The following CDC42BPG variants were observed in gnomAD, a reference collection of about 807,000 sequenced individuals.
CDC42BPG encodes the protein CDC42 binding protein kinase gamma.
CDC42BPG carries 157 observed loss-of-function variants against 192.2 expected under a neutral mutation model. That is an observed-to-expected ratio of 0.82 (90% CI 0.72 to 0.93). The LOEUF is 0.93. Ranked by LOEUF, CDC42BPG falls within the 40% of genes least tolerant of loss-of-function variation. The pLI, the probability that CDC42BPG is intolerant of heterozygous loss-of-function variation, is 0.00. For synonymous variants in CDC42BPG, 981 were observed against 918.5 expected (o/e 1.07, Z -1.23); for missense variants, 1,992 against 2,122.1 (o/e 0.94, Z 1.20).
In CDC42BPG at chr11:64,827,309, C is replaced by CGCGGAAAAAGAA; in HGVS notation, c.4228_4239dup (p.Phe1410_Arg1413dup). The CGCGGAAAAAGAA allele has an allele frequency of 6.2e-7, 1 of 1,614,036 alleles. No homozygotes were observed. Among genetic ancestry groups the CGCGGAAAAAGAA allele is most frequent in the Non-Finnish European group, 8.5e-7 (1 of 1,179,956 alleles). ...TGCTGCTTCTGCTGCTCCTCCGACA[C>CGCGGAAAAAGAA]GCGGAAAAAGAAGCGGCGCTTGCTC... On this transcript the variant is annotated inframe_insertion, in exon 33 of 37. Transcript: ENST00000342711.
rs762553661 is a variant in CDC42BPG at position 64,838,726 on chromosome 11, G to A, written c.1053C>T (p.Pro351=). Residue 351 remains proline, a synonymous_variant, in exon 8 of 37, where the codon CCC becomes CCT. Transcript: ENST00000342711. ...DWERLASSTA[P]YIPELRGPMD... ...TGGGCCCCCGCAGCTCAGGAATATA[G>A]GGGGCCGTGCTGCTCGCCAGCCGCT... 1 of 1,613,034 alleles carries A rather than the reference G, an allele frequency of 6.2e-7. No homozygotes were observed. The highest frequency in any genetic ancestry group is 1.7e-5 in the Admixed American group (1 of 60,028).
rs370688500 is a variant in CDC42BPG, at chr11:64,833,322, C to T, written c.2640G>A (p.Thr880=). 6.5e-6 allele frequency: 10 copies of T among 1,526,802 alleles called. No individual in the cohort carries two copies. Among genetic ancestry groups the T allele is most frequent in the East Asian group, 4.9e-5 (2 of 40,562 alleles). 94.6% of individuals were successfully genotyped at this position (1,526,802 alleles called of 1,614,324 possible). Residue 880 remains threonine (T), a synonymous_variant, in exon 24 of 37, where the codon ACG becomes ACA. Coordinates refer to ENST00000342711, the MANE Select transcript of CDC42BPG (RefSeq NM_017525.3). ...GGGATGGGAAGCTCCGGGGGCGCAG[C>T]GTGTGTGAGCCGGGCTGGGGAGGGG... ...EGLPAKPGSH[T]LRPRSFPSPT...
chr11:64,836,500 T>C lies in CDC42BPG; in HGVS notation c.1415A>G (p.Gln472Arg), dbSNP rs773324026. ...GCTACCAGCTGGGGGCCCATCCGTC[T>C]GGGACAATGAGGCCTTGTCCCTCAG... ...EMLRDKASLS[Q>R]TDGPPAGSPG... The change falls in exon 12 of 37, where the codon CAG becomes CGG. Residue 472 changes from glutamine to arginine, a missense_variant. Gln to Arg is a conservative substitution (Grantham distance 43). Around this residue, in one of 2 missense-constraint regions of CDC42BPG, gnomAD observed 1,656 missense variants for 1,844.3 expected, o/e 0.90. Transcript: ENST00000342711. 2 of 1,613,466 alleles carry C rather than the reference T, an allele frequency of 1.2e-6. No homozygotes were observed. Among genetic ancestry groups the C allele is most frequent in the Non-Finnish European group, 8.5e-7 (1 of 1,179,942 alleles).
At chr11:64,835,232 C>T in intron 16 of CDC42BPG, 79 bp from the exon 17 acceptor site, 11 of 1,602,874 alleles carry the variant, frequency 6.9e-6, no homozygotes, top group South Asian at 5.5e-5. Flanking sequence ...TACCCCAGCA[C>T]CCCGAGCCCC....
chr11:64,835,017 T>TGCCCCCCCCCCCC, intron 17 of CDC42BPG, 30 bp downstream of exon 17: 6 of 1,571,940 alleles, frequency 3.8e-6, no homozygotes, highest in Non-Finnish European at 5.2e-6. Context: ...TCGCCTGCGT[T>TGCCCCCCCCCCCC]CCCCACCCCG....
At chr11:64,843,750 C>T (rs1381969981) in intron 1 of CDC42BPG, among the ~76,000 whole-genome samples, 14 of 152,234 alleles carry the variant, frequency 9.2e-5, no homozygotes, top group Admixed American at 9.2e-4. Flanking sequence ...AGCTAGGCCC[C>T]CCTCCCCGGC....
In CDC42BPG at chr11:64,840,546, T is replaced by G. The variant is rs1378738664; in HGVS notation, c.432+7A>C. ...TGTTCCCCTCCAGCCCCGCCACGTA[T>G]CCTCACCAGGTACTCCTCGTCTTGG... On this transcript the variant is annotated splice_region_variant and intron_variant, in intron 4 of 36. Transcript: ENST00000342711. 1 of 1,613,514 alleles carries G rather than the reference T, an allele frequency of 6.2e-7. No homozygotes were observed. The highest frequency in any genetic ancestry group is 8.5e-7 in the Non-Finnish European group (1 of 1,179,636).
intron 11 of CDC42BPG, 51 bp downstream of exon 11, chr11:64,836,675 GCAGGACCCGAGCC>G (rs1219138787): frequency 1.1e-5 from 11 of 985,426 alleles, no homozygotes; most frequent in Admixed American, 2.7e-5. Flanking sequence ...CCAGGGCAGG[GCAGGACCCGAGCC>G]CAGGTGGGAC....
At chr11:64,840,753 A>G in intron 3 of CDC42BPG, 105 bp from the exon 4 acceptor site, 1 of 938,280 alleles carries the variant, frequency 1.1e-6, no homozygotes, top group Non-Finnish European at 1.7e-6. Context: ...CTGGGAGCTC[A>G]GATGGAGGTC....
chr11:64,840,449 T>C, intron 4 of CDC42BPG, 104 bp downstream of exon 4: 1 of 1,405,952 alleles, frequency 7.1e-7, no homozygotes, highest in Non-Finnish European at 9.9e-7. Context: ...TGGGAGTCTC[T>C]TGGTCCCAAG....
At position 64,841,701 on chromosome 11, in the gene CDC42BPG, C is replaced by A; in HGVS notation, c.285G>T (p.Gln95His). ...TGTGCAGCATTTTCATGGCAAAAAT[C>A]TGCCCAGTGTCCCTCTGCCTCACCA... Reference protein sequence around the residue: ...VTVVRQRDTGQIFAMKMLHKW... With the variant: ...VTVVRQRDTGHIFAMKMLHKW... Residue 95 changes from glutamine to histidine, a missense_variant, in exon 3 of 37, where the codon CAG (glutamine) becomes CAT (histidine). Transcript: ENST00000342711. 6.2e-7 allele frequency: 1 copy of A among 1,613,952 alleles called. No homozygotes were observed. The highest frequency in any genetic ancestry group is 8.5e-7 in the Non-Finnish European group (1 of 1,180,008).
Position 64,830,016 on chromosome 11 carries a change from C to G in CDC42BPG, c.3422G>C (p.Ser1141Thr). The change falls in exon 30 of 37, where the codon AGT becomes ACT. Residue 1141 changes from serine to threonine, a missense_variant. Transcript: ENST00000342711. ...RRVQQLTLSP[S>T]AGLLVVLCGR... is the part of the protein sequence containing the mutation. ...ACACAGCACGACCAGCAGGCCTGCA[C>G]TGGGGCTCAAGGTCAGCTGCTGCAC... 1 of 1,612,472 alleles carries G rather than the reference C, an allele frequency of 6.2e-7. No individual in the cohort carries two copies. The highest frequency in any genetic ancestry group is 8.5e-7 in the Non-Finnish European group (1 of 1,179,372).
chr11:64,834,241 G>T, intron 20 of CDC42BPG, 25 bp downstream of exon 20: 1 of 1,547,534 alleles, frequency 6.5e-7, no homozygotes. Context: ...CCTGGCTCCG[G>T]GGCAAGCAGT....
chr11:64,841,855 G>A lies in CDC42BPG; in HGVS notation c.210C>T (p.Asp70=). The A allele has an allele frequency of 6.2e-7, 1 of 1,613,958 alleles. No individual in the cohort carries two copies. The highest frequency in any genetic ancestry group is 8.5e-7 in the Non-Finnish European group (1 of 1,179,988). ...GGCCGATCACCTTCAAGATCTCAAA[G>A]TCATCTCTCTGCAGACGCAGTTCTT... is the stretch of plus-strand genomic sequence containing the variant. The part of the protein sequence containing the change: ...KVKELRLQRD[D]FEILKVIGRG... The change falls in exon 2 of 37, where the codon GAC becomes GAT. Residue 70 remains aspartate, a synonymous_variant. Transcript: ENST00000342711.
In CDC42BPG at chr11:64,827,728, G is replaced by A; in HGVS notation, c.4023C>T (p.Asp1341=). 1.9e-6 allele frequency: 3 copies of A among 1,613,364 alleles called. No homozygotes were observed. The highest frequency in any genetic ancestry group is 2.5e-6 in the Non-Finnish European group (3 of 1,179,666). Residue 1341 remains aspartate (D), a synonymous_variant, in exon 31 of 37, where the codon GAC becomes GAT. Coordinates refer to ENST00000342711, the MANE Select transcript of CDC42BPG (RefSeq NM_017525.3). ...TCTGCACCCATTCTGCCCTCCTCAC[G>A]TCAAACACATCGATGGAGTTCTCGC... ...VFSENSIDVF[D]VRRAEWVQTV...
chr11:64,839,035 C>T lies in CDC42BPG; in HGVS notation c.874G>A (p.Glu292Lys), dbSNP rs763811592. The T allele has an allele frequency of 3.1e-6, 5 of 1,613,606 alleles. No individual in the cohort carries two copies. Among genetic ancestry groups the T allele is most frequent in the African/African-American group, 1.3e-5 (1 of 75,060 alleles). Residue 292 changes from glutamate (E) to lysine (K), a missense_variant and splice_region_variant, in exon 7 of 37, where the codon GAG (glutamate) becomes AAG (lysine). Transcript: ENST00000342711. ...VETYGKIMNH[E>K]DHLQFPPDVP... ...AGCCCAGAGCCTGGTGTCCAGACCT[C>T]GTGGTTCATGATCTTGCCGTAGGTT... is the stretch of plus-strand genomic sequence containing the variant.
intron 13 of CDC42BPG, 28 bp from the exon 14 acceptor site, chr11:64,835,879 G>A: frequency 6.3e-7 from 1 of 1,582,664 alleles, no homozygotes; most frequent in Non-Finnish European, 8.6e-7. Flanking sequence ...GCAGGCCACT[G>A]CCAACTCTGC....
intron 9 of CDC42BPG, 132 bp downstream of exon 9, chr11:64,837,951 A>G: frequency 6.4e-6 from 5 of 775,200 alleles, no homozygotes; most frequent in Non-Finnish European, 1.1e-5. Context: ...TGAGGGCTAG[A>G]GCACCTGCCA....
chr11:64,839,690 G>A (rs575098474), intron 5 of CDC42BPG, 119 bp from the exon 6 acceptor site: 8 of 765,976 alleles, frequency 1.0e-5, no homozygotes, highest in South Asian at 8.6e-5. Flanking sequence ...ACATTCCTGT[G>A]TGTAGGTGCT....
Sources: gnomAD v4.1 joint callset for allele counts (sites outside exome capture counted in the v4.1 genomes callset) on GRCh38, gnomAD v4.1.1 for gene constraint, gnomAD v4.1.1 regional missense constraint, MANE v1.5 for transcripts, NCBI Gene and HGNC (gene_info 2026-07-23, HGNC 2026-07-21) for gene names.